Variants in TBL1XR1 observed in about 807,000 individuals in gnomAD.
TBL1XR1 encodes F-box-like/WD repeat-containing protein TBL1XR1.
Under a neutral mutation model 66.9 loss-of-function variants are expected in TBL1XR1, and 5 were observed. The observed-to-expected ratio is 0.07, with a 90% CI of 0.04 to 0.16. The LOEUF (loss-of-function observed/expected upper bound fraction) is 0.16. TBL1XR1 is among the 10% of genes least tolerant of loss of function. The pLI is 1.00. For synonymous variants in TBL1XR1, 210 were observed against 206.0 expected (o/e 1.02, Z -0.17); for missense variants, 238 against 623.2 (o/e 0.38, Z 6.58).
intron 1 of TBL1XR1, among the ~76,000 whole-genome samples, chr3:177,161,959 A>C (rs1033754794): frequency 1.3e-5 from 2 of 152,204 alleles, no homozygotes; most frequent in Non-Finnish European, 2.9e-5. Flanking sequence ...TAAAAATATT[A>C]AGTGTTGACA....
At chr3:177,026,932 T>G (rs1371629596) in intron 14 of TBL1XR1, 1 of 153,872 alleles carries the variant, frequency 6.5e-6, no homozygotes, top group African/African-American at 2.4e-5. Flanking sequence ...AAATCTGTTA[T>G]TCACTCTATA....
rs1731327390 is a variant in TBL1XR1, at chr3:177,155,033, A to G, written c.-122+42088T>C. Among the ~76,000 whole-genome samples the G allele has an allele frequency of 3.3e-5, 5 of 152,214 alleles. No individual in the cohort carries two copies. The South Asian group carries it at 1.0e-3, about 32-fold the overall frequency. On this transcript the variant is annotated intron_variant, in intron 1 of 15. Coordinates refer to ENST00000457928, the MANE Select transcript of TBL1XR1 (RefSeq NM_024665.7). ...TAAAGTAAACAAAGGCTCAAAGAAGAAATCACAATGAAAATTAAAAATCAT... is the reference window on the plus strand; with the variant it reads ...TAAAGTAAACAAAGGCTCAAAGAAGGAATCACAATGAAAATTAAAAATCAT...
chr3:177,138,154 C>G (rs560717415), intron 1 of TBL1XR1, among the ~76,000 whole-genome samples: 3 of 152,264 alleles, frequency 2.0e-5, no homozygotes, highest in South Asian at 4.1e-4. Flanking sequence ...ATCACAACTA[C>G]AAGAAGGAAA....
intron 1 of TBL1XR1, among the ~76,000 whole-genome samples, chr3:177,131,079 T>C (rs867035422): frequency 1.8e-4 from 28 of 152,210 alleles, no homozygotes; most frequent in African/African-American, 6.5e-4. Flanking sequence ...TCAGAGAATA[T>C]ATTGAGAACT....
At position 177,146,576 on chromosome 3, in the gene TBL1XR1, C is replaced by A. The variant is rs1366201908; in HGVS notation, c.-121-48035G>T. 9.3e-5 allele frequency among the ~76,000 whole-genome samples: 3 copies of A among 32,182 alleles called. No homozygotes were observed. The East Asian group carries it at 4.9e-3, about 52-fold the overall frequency. The allele number at this position is 32,182 out of a possible 152,430, so 21.1% of individuals were successfully genotyped here. A position where few individuals can be genotyped will look rare whatever the true frequency, so the allele number is the denominator to read the frequency against. The stretch of plus-strand genomic sequence containing the variant: ...CTGCACTCCAGCCTGGGCAGCTGAG[C>A]GAGACTCCATCTCAAAAAAAAAAAA... On this transcript the variant is annotated intron_variant, in intron 1 of 15. Transcript: ENST00000457928.
intron 2 of TBL1XR1, among the ~76,000 whole-genome samples, chr3:177,098,250 A>G (rs1466398759): frequency 2.6e-5 from 4 of 152,018 alleles, no homozygotes; most frequent in Non-Finnish European, 4.4e-5. Context: ...GAAATTTTCA[A>G]AAGTAGCAAT....
chr3:177,164,798 A>G lies in TBL1XR1; in HGVS notation c.-122+32323T>C, dbSNP rs908239980. Among the ~76,000 whole-genome samples the G allele has an allele frequency of 3.9e-5, 6 of 152,252 alleles. No individual in the cohort carries two copies. The East Asian group carries it at 5.8e-4, about 15-fold the overall frequency. On this transcript the variant is annotated intron_variant, in intron 1 of 15. Transcript: ENST00000457928. ...CAATGAAATCTCTATCAAAATTTCAATGACATTTTTCACATCTTCTGGAGC... is the reference window on the plus strand; with the variant it reads ...CAATGAAATCTCTATCAAAATTTCAGTGACATTTTTCACATCTTCTGGAGC...
rs779035057 is a variant in TBL1XR1, at chr3:177,034,188, G to C, written c.1250+10C>G. ...GACTCATAAAAGGAAAAATGAAACA[G>C]AAGTATCACCTTGCTAACATAAGGT... On this transcript the variant is annotated intron_variant, in intron 13 of 15. Coordinates refer to ENST00000457928, the MANE Select transcript of TBL1XR1 (RefSeq NM_024665.7). The C allele has an allele frequency of 6.2e-7, 1 of 1,600,422 alleles. No individual in the cohort carries two copies. The highest frequency in any genetic ancestry group is 8.5e-7 in the Non-Finnish European group (1 of 1,176,358).
At chr3:177,183,934 A>G (rs1036681249) in intron 1 of TBL1XR1, among the ~76,000 whole-genome samples, 1 of 151,942 alleles carries the variant, frequency 6.6e-6, no homozygotes, top group Admixed American at 6.5e-5. Context: ...ACATACTGAG[A>G]GTTCACTGCC....
At chr3:177,191,560 T>C (rs1012034649) in intron 1 of TBL1XR1, among the ~76,000 whole-genome samples, 9 of 152,202 alleles carry the variant, frequency 5.9e-5, no homozygotes, top group African/African-American at 2.2e-4. Context: ...TTTTGACTAT[T>C]AGCAAAGTGA....
rs571753884 is a variant in TBL1XR1, at chr3:177,038,229, A to C, written c.1048-57T>G. On this transcript the variant is annotated intron_variant, in intron 11 of 15. Transcript: ENST00000457928. ...TTGTATAGACTGGGTAGCTACTTGA[A>C]TATTAAACATACATACTTTAAAACT... 93 of 1,601,452 alleles carry C rather than the reference A, an allele frequency of 5.8e-5. No homozygotes were observed. In the South Asian group the frequency reaches 1.0e-3, roughly 17 times the overall value.
intron 1 of TBL1XR1, among the ~76,000 whole-genome samples, chr3:177,101,894 A>G (rs2108680670): frequency 6.6e-6 from 1 of 152,336 alleles, no homozygotes; most frequent in East Asian, 1.9e-4. Flanking sequence ...AATATGTTCT[A>G]CATGACTCTC....
intron 1 of TBL1XR1, among the ~76,000 whole-genome samples, chr3:177,176,675 C>T (rs1396680648): frequency 6.6e-6 from 1 of 151,734 alleles, no homozygotes; most frequent in East Asian, 2.0e-4. Context: ...ATTAGCCAGG[C>T]GTGATGGCGC....
rs1227412076 is a variant in TBL1XR1 at position 177,141,501 on chromosome 3, T to C, written c.-121-42960A>G. Among the ~76,000 whole-genome samples, 4 of 152,240 alleles carry C rather than the reference T, an allele frequency of 2.6e-5. No individual in the cohort carries two copies. In the South Asian group the frequency reaches 6.2e-4, roughly 24 times the overall value. ...TAAACTACATATAAATCGTATTAAA[T>C]ATTTTTCACATATTTTTATATGCAC... On this transcript the variant is annotated intron_variant, in intron 1 of 15. Coordinates refer to ENST00000457928, the MANE Select transcript of TBL1XR1 (RefSeq NM_024665.7).
In TBL1XR1 at chr3:177,031,805, T is replaced by C. The variant is rs183820316; in HGVS notation, c.1416+1166A>G. On this transcript the variant is annotated intron_variant, in intron 14 of 15. Coordinates refer to ENST00000457928, the MANE Select transcript of TBL1XR1 (RefSeq NM_024665.7). ...TAAATATTAAAAAATTTTATTAAAA[T>C]GTAATGTAAGATTCAGGCTTAATAA... is the stretch of plus-strand genomic sequence containing the variant. Among the ~76,000 whole-genome samples the C allele has an allele frequency of 2.0e-5, 3 of 151,570 alleles. No individual in the cohort carries two copies. The East Asian group carries it at 5.8e-4, about 29-fold the overall frequency.
chr3:177,027,712 T>G (rs1325626026), intron 14 of TBL1XR1: 2 of 152,248 alleles, frequency 1.3e-5, no homozygotes, highest in African/African-American at 4.8e-5. Context: ...CGAGCTTTCC[T>G]CTTCAAATTT....
rs756833949 is a variant in TBL1XR1, at chr3:177,096,331, T to TACACACACACACACACACACAC, written c.-46+2134_-46+2135insGTGTGTGTGTGTGTGTGTGTGT. ...CATCTCTAACACACACTAACATACATACATACACACACACACACACACTTA... is the reference window on the plus strand; with the variant it reads ...CATCTCTAACACACACTAACATACATACACACACACACACACACACACACATACACACACACACACACACTTA... On this transcript the variant is annotated intron_variant, in intron 2 of 15. Coordinates refer to ENST00000457928, the MANE Select transcript of TBL1XR1 (RefSeq NM_024665.7). Among the ~76,000 whole-genome samples, 597 of 100,708 alleles carry TACACACACACACACACACACAC rather than the reference T, an allele frequency of 5.9e-3. 1 individual carries two copies. The highest frequency in any genetic ancestry group is 9.5e-3 in the South Asian group (29 of 3,052). 66.1% of individuals were successfully genotyped at this position (100,708 alleles called of 152,430 possible).
intron 14 of TBL1XR1, among the ~76,000 whole-genome samples, chr3:177,031,472 T>C (rs1713996352): frequency 6.6e-6 from 1 of 151,516 alleles, no homozygotes; most frequent in African/African-American, 2.4e-5. Context: ...TAGCTGAGAC[T>C]ACAGACATGT....
At chr3:177,127,881 G>T (rs1727830135) in intron 1 of TBL1XR1, among the ~76,000 whole-genome samples, 1 of 152,126 alleles carries the variant, frequency 6.6e-6, no homozygotes, top group African/African-American at 2.4e-5. Flanking sequence ...ACTTGGTCAA[G>T]ATATTAAAAA....
Sources: gnomAD v4.1 joint callset for allele counts (sites outside exome capture counted in the v4.1 genomes callset) on GRCh38, gnomAD v4.1.1 for gene constraint, MANE v1.5 for transcripts, NCBI Gene and HGNC (gene_info 2026-07-23, HGNC 2026-07-21) for gene names.